LRP1B: variants seen among roughly 807,000 people sequenced by gnomAD.
The protein encoded by LRP1B is low-density lipoprotein receptor-related protein 1B.
LRP1B carries 217 observed loss-of-function variants against 556.6 expected under a neutral mutation model. That is an observed-to-expected ratio of 0.39 (90% CI 0.35 to 0.44). The LOEUF (loss-of-function observed/expected upper bound fraction) is 0.44. Among genes scored for constraint, LRP1B ranks in the 20% least tolerant of loss-of-function variants. The probability of loss-of-function intolerance (pLI) is 1.00; values close to 1 mark genes in which losing one functional copy is unlikely to be tolerated. For missense variants in LRP1B, 5,053 were observed against 5,620.8 expected (o/e 0.90, Z 3.23); for synonymous variants, 2,047 against 1,865.8 (o/e 1.10, Z -2.50).
At chr2:140,421,394 G>A (rs554678443) in intron 66 of LRP1B, among the ~76,000 whole-genome samples, 1 of 152,180 alleles carries the variant, frequency 6.6e-6, no homozygotes, top group South Asian at 2.1e-4. Context: ...TATAATATTG[G>A]CCGGAAGATT....
chr2:140,246,611 TTA>T (rs1681176488), intron 87 of LRP1B, among the ~76,000 whole-genome samples: 1 of 151,458 alleles, frequency 6.6e-6, no homozygotes, highest in South Asian at 2.1e-4. Context: ...ATAAATCAAC[TTA>T]TATCTTTATT....
intron 29 of LRP1B, among the ~76,000 whole-genome samples, chr2:140,848,094 C>T (rs755493860): frequency 6.6e-6 from 1 of 151,918 alleles, no homozygotes; most frequent in East Asian, 1.9e-4. Flanking sequence ...TAATAAAGTA[C>T]TTGAACATTT....
chr2:140,567,659 C>A (rs1348732777), intron 43 of LRP1B, among the ~76,000 whole-genome samples: 2 of 152,174 alleles, frequency 1.3e-5, no homozygotes, highest in Non-Finnish European at 2.9e-5. Flanking sequence ...GCCTATGACC[C>A]AGGCTCCATA....
In LRP1B at chr2:141,985,817, GT is replaced by G. The variant is rs1212936273; in HGVS notation, c.82+144830del. Among the ~76,000 whole-genome samples the G allele has an allele frequency of 1.3e-4, 20 of 151,980 alleles. No individual in the cohort carries two copies. In the East Asian group the frequency reaches 2.1e-3, roughly 16 times the overall value. ...TCTAAAATACAGAACATATTATTCT[GT>G]ATAGCAAATATGTTTCACCTCAATG... On this transcript the variant is annotated intron_variant, in intron 1 of 90. Coordinates refer to ENST00000389484, the MANE Select transcript of LRP1B (RefSeq NM_018557.3).
chr2:141,172,613 C>T (rs562426543), intron 7 of LRP1B, among the ~76,000 whole-genome samples: 1 of 152,120 alleles, frequency 6.6e-6, no homozygotes, highest in Non-Finnish European at 1.5e-5. Context: ...TCACTATCAA[C>T]AGCTTATTCA....
intron 47 of LRP1B, among the ~76,000 whole-genome samples, chr2:140,530,186 A>G (rs1690626720): frequency 6.6e-6 from 1 of 152,114 alleles, no homozygotes. Context: ...CCCTGTATAT[A>G]CTGACTTCCA....
chr2:140,811,772 A>G (rs1051923458), intron 32 of LRP1B, among the ~76,000 whole-genome samples: 2 of 152,128 alleles, frequency 1.3e-5, no homozygotes, highest in South Asian at 4.1e-4. Context: ...AAGTCATCTT[A>G]TAGACACTAT....
intron 42 of LRP1B, among the ~76,000 whole-genome samples, chr2:140,599,473 T>C (rs1048701571): frequency 1.3e-5 from 2 of 152,072 alleles, no homozygotes; most frequent in Non-Finnish European, 1.5e-5. Context: ...TGGATTCCCA[T>C]GTATAACCAT....
intron 20 of LRP1B, among the ~76,000 whole-genome samples, chr2:140,925,496 C>T (rs1694859185): frequency 6.6e-6 from 1 of 152,076 alleles, no homozygotes; most frequent in African/African-American, 2.4e-5. Context: ...CAAAACAAAA[C>T]ATACCTTGGC....
chr2:140,328,640 A>G (rs1029759382), intron 79 of LRP1B, among the ~76,000 whole-genome samples: 1 of 152,102 alleles, frequency 6.6e-6, no homozygotes, highest in African/African-American at 2.4e-5. Flanking sequence ...TAAGATAGTA[A>G]TAACCACCAA....
At chr2:140,553,694 G>A (rs1372570789) in intron 43 of LRP1B, among the ~76,000 whole-genome samples, 1 of 151,976 alleles carries the variant, frequency 6.6e-6, no homozygotes, top group Non-Finnish European at 1.5e-5. Flanking sequence ...CTGAATCAAG[G>A]GACTCTTAAC....
Position 141,987,489 on chromosome 2 carries a change from G to A in LRP1B, c.82+143159C>T, listed in dbSNP as rs145160562. ...TGCTTCTGTCTCTGGCTGCGACACA[G>A]TGCAATTAGCAACAATTAATTAACC... On this transcript the variant is annotated intron_variant, in intron 1 of 90. Coordinates refer to ENST00000389484, the MANE Select transcript of LRP1B (RefSeq NM_018557.3). Among the ~76,000 whole-genome samples the A allele has an allele frequency of 5.3e-3, 798 of 151,160 alleles. 6 individuals are homozygous for A. The highest frequency in any genetic ancestry group is 0.017 in the African/African-American group (712 of 41,258).
intron 5 of LRP1B, among the ~76,000 whole-genome samples, chr2:141,231,842 C>T (rs1683484400): frequency 6.6e-6 from 1 of 152,006 alleles, no homozygotes; most frequent in African/African-American, 2.4e-5. Context: ...AACAACAAAA[C>T]AGTAAAACAA....
intron 18 of LRP1B, among the ~76,000 whole-genome samples, chr2:140,971,025 T>C (rs1039846251): frequency 7.9e-5 from 12 of 152,158 alleles, no homozygotes; most frequent in African/African-American, 1.9e-4. Context: ...ATTACAGGCA[T>C]GAGCCACCGT....
chr2:140,273,273 A>C (rs1200955898), intron 85 of LRP1B, among the ~76,000 whole-genome samples: 1 of 151,930 alleles, frequency 6.6e-6, no homozygotes, highest in African/African-American at 2.4e-5. Flanking sequence ...ATTGAAATAC[A>C]GTTCTGTCAT....
chr2:140,561,140 C>T (rs1680913923), intron 43 of LRP1B, among the ~76,000 whole-genome samples: 1 of 152,160 alleles, frequency 6.6e-6, no homozygotes, highest in African/African-American at 2.4e-5. Flanking sequence ...AACTAAAACT[C>T]CTTTTCTTCA....
intron 20 of LRP1B, among the ~76,000 whole-genome samples, chr2:140,945,853 TAA>T (rs1207957315): frequency 6.6e-6 from 1 of 152,100 alleles, no homozygotes; most frequent in Admixed American, 6.6e-5. Context: ...AAGATATTTA[TAA>T]GTGAGACCTA....
intron 2 of LRP1B, among the ~76,000 whole-genome samples, chr2:141,520,670 T>C (rs1412242634): frequency 6.6e-6 from 1 of 152,108 alleles, no homozygotes; most frequent in Non-Finnish European, 1.5e-5. Flanking sequence ...CTCTGTTTCA[T>C]GTTTTCAAAA....
chr2:141,115,630 T>TGTGTGTGC (rs1462691931), intron 7 of LRP1B, among the ~76,000 whole-genome samples: 8 of 53,436 alleles, frequency 1.5e-4, no homozygotes, highest in South Asian at 7.2e-4. Flanking sequence ...CTAATTTGTG[T>TGTGTGTGC]GTGTGTGTGT....
Sources: allele counts gnomAD v4.1 joint callset (sites outside exome capture counted in the v4.1 genomes callset), GRCh38; gene constraint gnomAD v4.1.1; transcripts MANE v1.5; gene names NCBI Gene and HGNC (gene_info 2026-07-23, HGNC 2026-07-21).